Variants in OLAH observed in about 807,000 individuals in gnomAD.
OLAH encodes the protein S-acyl fatty acid synthase thioesterase, medium chain.
OLAH carries 33 observed loss-of-function variants against 27.8 expected under a neutral mutation model. That is an observed-to-expected ratio of 1.19 (90% CI 0.90 to 1.59). OLAH has a LOEUF of 1.59. OLAH is among the 40% of genes most tolerant of loss of function. The probability of loss-of-function intolerance (pLI) is 0.00; values close to 1 mark genes in which losing one functional copy is unlikely to be tolerated. For missense variants in OLAH, 359 were observed against 310.8 expected (o/e 1.16, Z -1.17); for synonymous variants, 120 against 102.9 (o/e 1.17, Z -1.01).
upstream of OLAH, among the ~76,000 whole-genome samples, chr10:15,040,782 T>C (rs1181919056): frequency 6.6e-6 from 1 of 152,166 alleles, no homozygotes; most frequent in Non-Finnish European, 1.5e-5. Context: ...GCCTCCATAC[T>C]CAAAGAGCTT....
chr10:15,065,385 T>C (rs564938979), intron 5 of OLAH, among the ~76,000 whole-genome samples, 199 bp from the exon 6 acceptor site: 1 of 152,320 alleles, frequency 6.6e-6, no homozygotes, highest in East Asian at 1.9e-4. Flanking sequence ...TTGGTGGCAT[T>C]ATGATGCTGT....
chr10:15,066,726 C>T (rs1337414699), intron 6 of OLAH, among the ~76,000 whole-genome samples: 1 of 151,800 alleles, frequency 6.6e-6, no homozygotes. Context: ...CTGCAACCTC[C>T]GTCTTCCAGG....
intron 3 of OLAH, among the ~76,000 whole-genome samples, chr10:15,050,103 C>T (rs1024493587): frequency 3.3e-5 from 5 of 152,104 alleles, no homozygotes; most frequent in Non-Finnish European, 7.4e-5. Context: ...GCTTTTCTTT[C>T]GAATTAATAC....
intron 3 of OLAH, among the ~76,000 whole-genome samples, chr10:15,056,039 A>G (rs1231885176): frequency 1.3e-5 from 2 of 151,948 alleles, no homozygotes; most frequent in African/African-American, 2.4e-5. Context: ...TAGTAGAGAC[A>G]GGATTTCACC....
At chr10:15,070,712 CT>C in intron 6 of OLAH, among the ~76,000 whole-genome samples, 1 of 151,896 alleles carries the variant, frequency 6.6e-6, no homozygotes, top group South Asian at 2.1e-4. Flanking sequence ...AACTCCCAAC[CT>C]CAGGTGATCC....
At chr10:15,069,032 G>T (rs530782227) in intron 6 of OLAH, among the ~76,000 whole-genome samples, 1 of 152,142 alleles carries the variant, frequency 6.6e-6, no homozygotes, top group African/African-American at 2.4e-5. Flanking sequence ...TCCTCCTGTT[G>T]CCCTCCCCAA....
intron 7 of OLAH, among the ~76,000 whole-genome samples, chr10:15,072,737 C>T (rs780362682): frequency 1.3e-5 from 2 of 151,248 alleles, no homozygotes; most frequent in Non-Finnish European, 2.9e-5. Context: ...AAGGTTATCT[C>T]GAGGCCGTCA....
At chr10:15,052,251 C>G (rs1213957960) in intron 3 of OLAH, among the ~76,000 whole-genome samples, 2 of 152,140 alleles carry the variant, frequency 1.3e-5, no homozygotes, top group Admixed American at 6.6e-5. Flanking sequence ...CCACTGCACT[C>G]CAGCCTGGGC....
At chr10:15,035,297 G>A (rs1208112748) in intron 1 of OLAH, among the ~76,000 whole-genome samples, 3 of 152,284 alleles carry the variant, frequency 2.0e-5, no homozygotes, top group Admixed American at 1.3e-4. Context: ...GGCTGTTCTT[G>A]CTTTGCTATA....
At chr10:15,072,600 A>C (rs543104588) in intron 7 of OLAH, among the ~76,000 whole-genome samples, 1 of 152,238 alleles carries the variant, frequency 6.6e-6, no homozygotes, top group African/African-American at 2.4e-5. Flanking sequence ...TATTGGTTTT[A>C]GGGTGAGGGG....
chr10:15,062,585 T>C (rs906002098), intron 4 of OLAH, among the ~76,000 whole-genome samples: 7 of 150,538 alleles, frequency 4.6e-5, no homozygotes, highest in East Asian at 1.9e-4. Flanking sequence ...ATTTATATTA[T>C]AGTAATATTA....
At chr10:15,066,899 CA>C (rs1464072135) in intron 6 of OLAH, among the ~76,000 whole-genome samples, 2 of 152,090 alleles carry the variant, frequency 1.3e-5, no homozygotes, top group African/African-American at 2.4e-5. Flanking sequence ...CTCAGCCTCC[CA>C]AAGTATTGGG....
intron 3 of OLAH, among the ~76,000 whole-genome samples, chr10:15,051,592 A>G (rs1306589505): frequency 6.6e-6 from 1 of 152,204 alleles, no homozygotes; most frequent in Non-Finnish European, 1.5e-5. Context: ...CCTTAGAGAC[A>G]CACCTATTAT....
At chr10:15,034,114 TC>T (rs1331122578) in intron 1 of OLAH, among the ~76,000 whole-genome samples, 21 of 119,326 alleles carry the variant, frequency 1.8e-4, no homozygotes, top group Middle Eastern at 4.3e-3. Context: ...TTTTTTTTTT[TC>T]TTTTTTTTTT....
rs148128866 is a variant in OLAH, at chr10:15,065,580, C to T, written c.403-4C>T. The T allele has an allele frequency of 4.4e-4, 714 of 1,605,378 alleles. 2 individuals carry two copies. The African/African-American group carries it at 8.5e-3, about 19-fold the overall frequency. ...CAGGCCTGTGTTGTTGTTCATGTTTCAAGTCAAAGGCCTGGCATCGCATTC... is the reference window on the plus strand; with the variant it reads ...CAGGCCTGTGTTGTTGTTCATGTTTTAAGTCAAAGGCCTGGCATCGCATTC... On this transcript the variant is annotated splice_polypyrimidine_tract_variant and splice_region_variant and intron_variant, in intron 5 of 7. Transcript: ENST00000378228.
At chr10:15,032,348 T>C (rs80341079) in exon 1 of OLAH, 6,638 of 151,828 alleles carry the variant, frequency 0.044, 236 homozygotes, top group African/African-American at 0.091. Context: ...CACGTTGTCA[T>C]ATGTAAGTCA....
At chr10:15,042,608 T>G (rs1162263017), upstream of OLAH, among the ~76,000 whole-genome samples, 1 of 152,220 alleles carries the variant, frequency 6.6e-6, no homozygotes, top group Non-Finnish European at 1.5e-5. Context: ...ACAGTCACTC[T>G]GTTGTGCTAT....
chr10:15,068,961 C>G (rs1844525065), intron 6 of OLAH, among the ~76,000 whole-genome samples: 1 of 152,140 alleles, frequency 6.6e-6, no homozygotes, highest in South Asian at 2.1e-4. Flanking sequence ...GACCTTTTCT[C>G]AGCAGTCCTG....
In OLAH at chr10:15,065,665, A is replaced by AC. The variant is rs774581354; in HGVS notation, c.489dup (p.Lys164GlnfsTer5). ...TCATTACCTTATGGAATTTGGAGGCACCCCCAAGCATTTTGCTGAAGCCAA... is the reference window on the plus strand; with the variant it reads ...TCATTACCTTATGGAATTTGGAGGCACCCCCCAAGCATTTTGCTGAAGCCAA... On this transcript the variant is annotated frameshift_variant, in exon 6 of 8. Coordinates refer to ENST00000378228, the MANE Select transcript of OLAH (RefSeq NM_001039702.3). LOFTEE classifies it high-confidence loss of function. The AC allele has an allele frequency of 2.4e-4, 386 of 1,614,118 alleles. 5 individuals carry two copies. In the South Asian group the frequency reaches 4.0e-3, roughly 17 times the overall value.
Sources: gnomAD v4.1 joint callset for allele counts (sites outside exome capture counted in the v4.1 genomes callset) on GRCh38, gnomAD v4.1.1 for gene constraint, MANE v1.5 for transcripts, NCBI Gene and HGNC (gene_info 2026-07-23, HGNC 2026-07-21) for gene names.